Variants in COL25A1 observed in about 807,000 individuals in gnomAD.
COL25A1 encodes the protein collagen type XXV alpha 1 chain.
Under a neutral mutation model 128.4 loss-of-function variants are expected in COL25A1, and 103 were observed. The observed-to-expected ratio is 0.80, with a 90% CI of 0.68 to 0.94. The LOEUF (loss-of-function observed/expected upper bound fraction) is 0.94. Ranked by LOEUF, COL25A1 falls within the 40% of genes least tolerant of loss-of-function variation. The pLI is 0.00. For synonymous variants in COL25A1, 279 were observed against 277.2 expected (o/e 1.01, Z -0.06); for missense variants, 745 against 840.0 (o/e 0.89, Z 1.40).
intron 8 of COL25A1, among the ~76,000 whole-genome samples, chr4:108,966,135 T>G (rs1751268520): frequency 6.6e-6 from 1 of 152,182 alleles, no homozygotes; most frequent in African/African-American, 2.4e-5. Flanking sequence ...CTGCCTCTCT[T>G]TGCTCCATAT....
At chr4:108,932,484 G>T (rs1746869563) in intron 11 of COL25A1, among the ~76,000 whole-genome samples, 1 of 151,986 alleles carries the variant, frequency 6.6e-6, no homozygotes, top group African/African-American at 2.4e-5. Flanking sequence ...ATACCACTAC[G>T]GCCCAATGAG....
At chr4:108,966,100 T>C (rs1300021020) in intron 8 of COL25A1, among the ~76,000 whole-genome samples, 16 of 152,196 alleles carry the variant, frequency 1.1e-4, no homozygotes, top group Non-Finnish European at 2.1e-4. Flanking sequence ...GTTCTTACAA[T>C]CCTTGGAGGG....
At chr4:109,047,021 T>TC (rs1760487998) in intron 5 of COL25A1, among the ~76,000 whole-genome samples, 1 of 152,098 alleles carries the variant, frequency 6.6e-6, no homozygotes, top group Non-Finnish European at 1.5e-5. Flanking sequence ...ATGCTGCAGC[T>TC]ATGACCTACT....
intron 3 of COL25A1, among the ~76,000 whole-genome samples, chr4:109,262,423 A>G (rs1781516778): frequency 6.6e-6 from 1 of 152,124 alleles, no homozygotes; most frequent in Non-Finnish European, 1.5e-5. Flanking sequence ...CTGAGGCAGG[A>G]GAATCACTTG....
At chr4:109,270,196 C>CA (rs1782098204) in intron 3 of COL25A1, among the ~76,000 whole-genome samples, 1 of 152,018 alleles carries the variant, frequency 6.6e-6, no homozygotes, top group African/African-American at 2.4e-5. Context: ...TCCTATTCAA[C>CA]ATAGTGTTGG....
At chr4:109,146,281 T>C (rs529632279) in intron 3 of COL25A1, among the ~76,000 whole-genome samples, 2 of 152,322 alleles carry the variant, frequency 1.3e-5, no homozygotes, top group Non-Finnish European at 2.9e-5. Context: ...ATAATTACTA[T>C]TTAATAAGAA....
intron 5 of COL25A1, among the ~76,000 whole-genome samples, chr4:109,039,883 C>T (rs1759717913): frequency 1.3e-5 from 2 of 151,942 alleles, no homozygotes; most frequent in South Asian, 2.1e-4. Context: ...TTTCCTTGAC[C>T]ATACAGAAAT....
intron 6 of COL25A1, among the ~76,000 whole-genome samples, chr4:108,988,298 A>C (rs1396443336): frequency 6.6e-6 from 1 of 152,224 alleles, no homozygotes; most frequent in Non-Finnish European, 1.5e-5. Flanking sequence ...TATTTTCTGC[A>C]ACAAAGGCCT....
At chr4:109,152,127 T>C (rs1048496551) in intron 3 of COL25A1, among the ~76,000 whole-genome samples, 2 of 150,178 alleles carry the variant, frequency 1.3e-5, no homozygotes, top group African/African-American at 4.9e-5. Context: ...TACCTTACAC[T>C]AAAAGGGGAA....
chr4:108,869,221 TA>T (rs72533223), intron 19 of COL25A1, 71 bp from the exon 20 acceptor site: 89,104 of 300,594 alleles, frequency 0.3, 8,201 homozygotes, highest in East Asian at 0.45. Flanking sequence ...AATAAATAAA[TA>T]AAAACTAAAC....
At chr4:109,179,908 T>A (rs1774464935) in intron 3 of COL25A1, among the ~76,000 whole-genome samples, 1 of 152,222 alleles carries the variant, frequency 6.6e-6, no homozygotes, top group Non-Finnish European at 1.5e-5. Context: ...AAAATCAGCC[T>A]ATTATGAAGA....
chr4:109,261,729 G>C (rs950477496), intron 3 of COL25A1, among the ~76,000 whole-genome samples: 6 of 149,176 alleles, frequency 4.0e-5, no homozygotes, highest in African/African-American at 1.5e-4. Flanking sequence ...ACAGAGTCTC[G>C]CTCTGTCACC....
intron 3 of COL25A1, among the ~76,000 whole-genome samples, chr4:109,251,014 A>G (rs1780610807): frequency 6.6e-6 from 1 of 152,212 alleles, no homozygotes; most frequent in African/African-American, 2.4e-5. Context: ...TTATGTTTAT[A>G]TCTTTTTCTT....
chr4:109,279,461 C>G (rs1379085865), intron 3 of COL25A1, among the ~76,000 whole-genome samples: 1 of 152,022 alleles, frequency 6.6e-6, no homozygotes, highest in Non-Finnish European at 1.5e-5. Context: ...CACCTCAGTC[C>G]CAGCTGCTCA....
chr4:108,938,648 A>T (rs1323282093), intron 10 of COL25A1, among the ~76,000 whole-genome samples: 1 of 152,220 alleles, frequency 6.6e-6, no homozygotes, highest in Non-Finnish European at 1.5e-5. Context: ...CGAGGTCAGG[A>T]GATCGAGACC....
intron 3 of COL25A1, among the ~76,000 whole-genome samples, chr4:109,068,309 A>G (rs1330150813): frequency 2.6e-5 from 4 of 152,186 alleles, no homozygotes; most frequent in African/African-American, 9.6e-5. Flanking sequence ...ATGAGTAATG[A>G]GTAAGCAGGA....
intron 3 of COL25A1, among the ~76,000 whole-genome samples, chr4:109,275,308 T>G (rs1028767828): frequency 6.6e-6 from 1 of 152,194 alleles, no homozygotes; most frequent in African/African-American, 2.4e-5. Flanking sequence ...CCTGTGAGCC[T>G]CTTCTCACGA....
At chr4:108,978,901 CT>C (rs1752690646) in intron 6 of COL25A1, among the ~76,000 whole-genome samples, 1 of 152,132 alleles carries the variant, frequency 6.6e-6, no homozygotes, top group Admixed American at 6.5e-5. Context: ...ATAGTCAGAT[CT>C]TTTATAAGCC....
At chr4:108,983,922 G>C (rs1167553696) in intron 6 of COL25A1, among the ~76,000 whole-genome samples, 1 of 152,128 alleles carries the variant, frequency 6.6e-6, no homozygotes, top group Non-Finnish European at 1.5e-5. Flanking sequence ...CAGTGTGGAA[G>C]GGGACCCAAG....
Sources: allele counts gnomAD v4.1 joint callset (sites outside exome capture counted in the v4.1 genomes callset), GRCh38; gene constraint gnomAD v4.1.1; transcripts MANE v1.5; gene names NCBI Gene and HGNC (gene_info 2026-07-23, HGNC 2026-07-21).